Variants in ATR observed in about 807,000 individuals in gnomAD.
The protein encoded by ATR is serine/threonine-protein kinase ATR.
ATR carries 142 observed loss-of-function variants against 305.3 expected under a neutral mutation model. The observed-to-expected ratio is 0.47, with a 90% CI of 0.41 to 0.53. The LOEUF is 0.53. ATR is among the 20% of genes least tolerant of loss of function. The pLI is 0.00. For missense variants in ATR, 2,135 were observed against 3,133.1 expected (o/e 0.68, Z 7.60); for synonymous variants, 1,050 against 1,068.1 (o/e 0.98, Z 0.33).
intron 4 of ATR, among the ~76,000 whole-genome samples, chr3:142,561,713 C>G (rs111765008): frequency 4.3e-4 from 66 of 152,236 alleles, no homozygotes; most frequent in African/African-American, 1.5e-3. Context: ...AAGGGAATTA[C>G]CAACTTTCTT....
Position 142,562,925 on chromosome 3 carries a change from G to C in ATR, c.477C>G (p.Leu159=). The stretch of plus-strand genomic sequence containing the variant: ...CATGACCCATCACATTTCTTCTATG[G>C]AGGTAAACCAAGTCTTCAAAAAGTT... ...LLQLFEDLVY[L]HRRNVMGHAV... Residue 159 remains leucine (L), a synonymous_variant, in exon 4 of 47, where the codon CTC becomes CTG. Coordinates refer to ENST00000350721, the MANE Select transcript of ATR (RefSeq NM_001184.4). 1.2e-6 allele frequency: 2 copies of C among 1,613,362 alleles called. No individual in the cohort carries two copies. Among genetic ancestry groups the C allele is most frequent in the Non-Finnish European group, 1.7e-6 (2 of 1,179,818 alleles).
At position 142,484,228 on chromosome 3, in the gene ATR, T is replaced by C. The variant is rs2030752934; in HGVS notation, c.6221+912A>G. 1.3e-5 allele frequency among the ~76,000 whole-genome samples: 2 copies of C among 152,210 alleles called. 1 individual carries two copies. Among genetic ancestry groups the C allele is most frequent in the South Asian group, 4.1e-4 (2 of 4,822 alleles). On this transcript the variant is annotated intron_variant, in intron 36 of 46. Coordinates refer to ENST00000350721, the MANE Select transcript of ATR (RefSeq NM_001184.4). ...CTGCCCCATATCCTAGAGGAAGGAA[T>C]GCTACATAGAAAAGGCCAAGAAAAG...
At chr3:142,470,313 A>G in intron 36 of ATR, 130 bp from the exon 37 acceptor site, 1 of 811,942 alleles carries the variant, frequency 1.2e-6, no homozygotes. Flanking sequence ...TTCTTCCTAG[A>G]AGTTATTTTT....
chr3:142,457,642 T>C lies in ATR; in HGVS notation c.7617A>G (p.Thr2539=), dbSNP rs765583100. The change falls in exon 45 of 47, where the codon ACA becomes ACG. Residue 2539 remains threonine (T), a synonymous_variant. Coordinates refer to ENST00000350721, the MANE Select transcript of ATR (RefSeq NM_001184.4). ...EGLFRRACEV[T]MRLMRDQREP... ...CTCGCTGATCACGCATCAGCCTCAT[T>C]GTAACTTCACATGCTCTTCGAAAAA... The C allele has an allele frequency of 9.3e-6, 15 of 1,613,952 alleles. No individual in the cohort carries two copies. Among genetic ancestry groups the C allele is most frequent in the Non-Finnish European group, 1.3e-5 (15 of 1,179,966 alleles).
At chr3:142,469,313 T>TA (rs1559912796) in intron 38 of ATR, 24 bp downstream of exon 38, 1 of 1,574,332 alleles carries the variant, frequency 6.4e-7, no homozygotes, top group Admixed American at 1.7e-5. Flanking sequence ...TCTTTTCATA[T>TA]AAAAAGGTAA....
At chr3:142,476,198 G>C (rs553496088) in intron 36 of ATR, among the ~76,000 whole-genome samples, 9 of 152,230 alleles carry the variant, frequency 5.9e-5, no homozygotes, top group Middle Eastern at 3.4e-3. Context: ...GTATTGCCTA[G>C]GTTTTCTTCT....
In ATR at chr3:142,496,336, A is replaced by ATATATATGTATATATC. The variant is rs531114901; in HGVS notation, c.5898+24_5898+25insGATATATACATATATA. On this transcript the variant is annotated intron_variant, in intron 34 of 46. Coordinates refer to ENST00000350721, the MANE Select transcript of ATR (RefSeq NM_001184.4). Reference sequence around the variant, plus strand: ...TATATATATATATATATATATATATATGATGACATTTCCCTGGCCATTACC... The same window carrying ATATATATGTATATATC: ...TATATATATATATATATATATATATATATATATGTATATATCTGATGACATTTCCCTGGCCATTACC... 2.3e-5 allele frequency: 12 copies of ATATATATGTATATATC among 522,178 alleles called. 1 individual carries two copies. The African/African-American group carries it at 4.1e-4, about 18-fold the overall frequency. 32.3% of individuals were successfully genotyped at this position (522,178 alleles called of 1,614,324 possible). A position where few individuals can be genotyped will look rare whatever the true frequency, so the allele number is the denominator to read the frequency against.
At chr3:142,454,362 T>C (rs1577490310) in intron 45 of ATR, among the ~76,000 whole-genome samples, 2 of 152,136 alleles carry the variant, frequency 1.3e-5, no homozygotes, top group South Asian at 4.1e-4. Flanking sequence ...CATGATGATA[T>C]ACTTCCTATT....
At chr3:142,516,314 C>T (rs2108381625) in intron 24 of ATR, among the ~76,000 whole-genome samples, 1 of 152,268 alleles carries the variant, frequency 6.6e-6, no homozygotes, top group East Asian at 1.9e-4. Flanking sequence ...CATCTGCTAA[C>T]CTCCCAACCT....
intron 1 of ATR, among the ~76,000 whole-genome samples, chr3:142,577,243 G>A (rs918714428): frequency 1.3e-5 from 2 of 152,126 alleles, no homozygotes; most frequent in African/African-American, 4.8e-5. Context: ...CTCTACTGAT[G>A]AAACCGACTA....
intron 23 of ATR, among the ~76,000 whole-genome samples, chr3:142,520,747 A>G (rs1016347971): frequency 3.3e-5 from 5 of 152,202 alleles, no homozygotes; most frequent in Admixed American, 3.3e-4. Context: ...AGTTTGAAGC[A>G]AACAGAGGTT....
At chr3:142,513,715 T>C (rs2032710529) in intron 25 of ATR, 77 bp from the exon 26 acceptor site, 1 of 1,417,006 alleles carries the variant, frequency 7.1e-7, no homozygotes, top group Admixed American at 1.8e-5. Flanking sequence ...TGTGAGATAA[T>C]TTATCACAAA....
chr3:142,534,939 C>T (rs2033799089), intron 21 of ATR, 141 bp downstream of exon 21: 2 of 934,402 alleles, frequency 2.1e-6, no homozygotes, highest in Non-Finnish European at 3.1e-6. Context: ...ATTCCTAATT[C>T]TCAGTCAGAT....
At chr3:142,529,177 G>C (rs2033539511) in intron 21 of ATR, among the ~76,000 whole-genome samples, 1 of 151,614 alleles carries the variant, frequency 6.6e-6, no homozygotes, top group Non-Finnish European at 1.5e-5. Flanking sequence ...ACCGTGCCCA[G>C]CCTATCCAAT....
At chr3:142,557,836 T>G (rs2034727081) in intron 8 of ATR, among the ~76,000 whole-genome samples, 2 of 152,054 alleles carry the variant, frequency 1.3e-5, no homozygotes, top group Non-Finnish European at 2.9e-5. Context: ...TTTTGCCATG[T>G]TGGCCAGGCT....
chr3:142,508,043 G>GTATC lies in ATR; in HGVS notation c.4915_4918dup (p.Thr1640ArgfsTer21), dbSNP rs1489580832. 1.5e-5 allele frequency: 25 copies of GTATC among 1,613,176 alleles called. No homozygotes were observed. Among genetic ancestry groups the GTATC allele is most frequent in the Non-Finnish European group, 2.1e-5 (25 of 1,179,692 alleles). ...GGAGCGAAAGGAAGCTACTGCCAGA[G>GTATC]TATCCTGGGGTATGAGGTCTAGAAA... is the stretch of plus-strand genomic sequence containing the variant. On this transcript the variant is annotated frameshift_variant, in exon 28 of 47. Coordinates refer to ENST00000350721, the MANE Select transcript of ATR (RefSeq NM_001184.4). LOFTEE classifies it high-confidence loss of function.
chr3:142,562,150 T>C (rs962343568), intron 4 of ATR, 82 bp downstream of exon 4: 1 of 1,335,924 alleles, frequency 7.5e-7, no homozygotes, highest in Non-Finnish European at 1.0e-6. Context: ...TCTATTTTCT[T>C]ATTATTACAT....
chr3:142,467,746 T>C (rs954716582), intron 39 of ATR, among the ~76,000 whole-genome samples, 188 bp downstream of exon 39: 1 of 152,128 alleles, frequency 6.6e-6, no homozygotes, highest in African/African-American at 2.4e-5. Flanking sequence ...TATTTGGAAG[T>C]AAGATGTATT....
At chr3:142,477,867 A>G (rs967782171) in intron 36 of ATR, among the ~76,000 whole-genome samples, 3 of 152,164 alleles carry the variant, frequency 2.0e-5, no homozygotes, top group African/African-American at 7.2e-5. Context: ...TAGATTTTCT[A>G]GCTTATTTGC....
Sources: gnomAD v4.1 joint callset for allele counts (sites outside exome capture counted in the v4.1 genomes callset) on GRCh38, gnomAD v4.1.1 for gene constraint, MANE v1.5 for transcripts, NCBI Gene and HGNC (gene_info 2026-07-23, HGNC 2026-07-21) for gene names.